The following PTPRK variants were observed in gnomAD, a reference collection of about 807,000 sequenced individuals.
PTPRK encodes protein tyrosine phosphatase receptor type K, also known as receptor-type tyrosine-protein phosphatase kappa.
Under a neutral mutation model 178.0 loss-of-function variants are expected in PTPRK, and 75 were observed. That is an observed-to-expected ratio of 0.42 (90% CI 0.35 to 0.51). The LOEUF (loss-of-function observed/expected upper bound fraction) is 0.51. Among genes scored for constraint, PTPRK ranks in the 20% least tolerant of loss-of-function variants. PTPRK has a pLI of 0.02. For missense variants in PTPRK, 1,441 were observed against 1,797.8 expected, an observed-to-expected ratio of 0.80 and a Z score of 3.59; for synonymous variants, 637 against 620.6, an observed-to-expected ratio of 1.03 and a Z score of -0.39.
intron 1 of PTPRK, among the ~76,000 whole-genome samples, chr6:128,403,885 GT>G (rs1472618489): frequency 6.6e-6 from 1 of 152,146 alleles, no homozygotes; most frequent in Non-Finnish European, 1.5e-5. Flanking sequence ...AATGTTTCCA[GT>G]TTTGTGGGCC....
chr6:128,171,029 A>G (rs1205785708), intron 7 of PTPRK, among the ~76,000 whole-genome samples: 3 of 152,022 alleles, frequency 2.0e-5, no homozygotes, highest in African/African-American at 7.2e-5. Flanking sequence ...CAGTTTCACT[A>G]TAAGATAATT....
intron 1 of PTPRK, among the ~76,000 whole-genome samples, chr6:128,452,418 C>T (rs760328462): frequency 6.6e-6 from 1 of 152,104 alleles, no homozygotes; most frequent in Non-Finnish European, 1.5e-5. Context: ...ATTACATTCT[C>T]TTTATAAGGT....
At chr6:128,323,566 C>T (rs1211471771) in intron 2 of PTPRK, among the ~76,000 whole-genome samples, 1 of 152,096 alleles carries the variant, frequency 6.6e-6, no homozygotes, top group Non-Finnish European at 1.5e-5. Flanking sequence ...CACTCAATAA[C>T]TACTAGTCTA....
intron 5 of PTPRK, among the ~76,000 whole-genome samples, chr6:128,234,770 A>C (rs1040600502): frequency 1.3e-5 from 2 of 152,208 alleles, no homozygotes; most frequent in African/African-American, 2.4e-5. Context: ...ATTATGAATA[A>C]AGCTGTTATA....
At chr6:128,249,261 A>T (rs1816040528) in intron 3 of PTPRK, among the ~76,000 whole-genome samples, 1 of 151,428 alleles carries the variant, frequency 6.6e-6, no homozygotes, top group Admixed American at 6.6e-5. Flanking sequence ...GATAACCCTG[A>T]ATTTCTAGTG....
intron 10 of PTPRK, among the ~76,000 whole-genome samples, chr6:128,080,524 GATTA>G (rs1485007380): frequency 2.0e-5 from 3 of 151,986 alleles, no homozygotes; most frequent in African/African-American, 7.2e-5. Context: ...GACATTAGAA[GATTA>G]ATTATTATCT....
At chr6:128,116,164 T>C (rs1369007576) in intron 7 of PTPRK, among the ~76,000 whole-genome samples, 1 of 152,158 alleles carries the variant, frequency 6.6e-6, no homozygotes, top group East Asian at 1.9e-4. Flanking sequence ...TTATTTACAA[T>C]GTCAGTTACT....
At chr6:128,370,259 A>G (rs919119429) in intron 2 of PTPRK, among the ~76,000 whole-genome samples, 2 of 152,146 alleles carry the variant, frequency 1.3e-5, no homozygotes, top group Admixed American at 6.6e-5. Context: ...ATCATCCACC[A>G]GGGCATCCCT....
At chr6:128,039,615 G>A (rs1373042258) in intron 13 of PTPRK, among the ~76,000 whole-genome samples, 1 of 152,104 alleles carries the variant, frequency 6.6e-6, no homozygotes, top group Non-Finnish European at 1.5e-5. Context: ...CTATTACTTG[G>A]ACTGTAAATA....
intron 3 of PTPRK, among the ~76,000 whole-genome samples, chr6:128,316,170 G>T (rs1348490855): frequency 6.6e-6 from 1 of 152,160 alleles, no homozygotes; most frequent in Non-Finnish European, 1.5e-5. Context: ...AAAGAAGTAT[G>T]CAAAACAAGA....
chr6:128,394,959 C>T (rs572062857), intron 2 of PTPRK, among the ~76,000 whole-genome samples: 95 of 152,102 alleles, frequency 6.2e-4, no homozygotes, highest in Non-Finnish European at 1.1e-3. Context: ...GTTTGGAGAG[C>T]CAGCTTTTAT....
intron 13 of PTPRK, among the ~76,000 whole-genome samples, chr6:128,052,428 C>T (rs1005300946): frequency 6.6e-6 from 1 of 152,142 alleles, no homozygotes; most frequent in African/African-American, 2.4e-5. Context: ...CTTTGGTCCC[C>T]TTCAGCCTGC....
intron 2 of PTPRK, among the ~76,000 whole-genome samples, chr6:128,358,249 G>A (rs895071676): frequency 6.6e-6 from 1 of 152,160 alleles, no homozygotes; most frequent in Non-Finnish European, 1.5e-5. Context: ...CCCTGAAGGA[G>A]AGGGCATATT....
chr6:128,131,720 A>G (rs146330106), intron 7 of PTPRK, among the ~76,000 whole-genome samples: 283 of 152,308 alleles, frequency 1.9e-3, no homozygotes, highest in Non-Finnish European at 2.9e-3. Context: ...TAAAAGGGGT[A>G]TCTCCAAACC....
At chr6:128,448,880 G>A (rs1847382982) in intron 1 of PTPRK, among the ~76,000 whole-genome samples, 1 of 152,056 alleles carries the variant, frequency 6.6e-6, no homozygotes, top group Non-Finnish European at 1.5e-5. Flanking sequence ...GTTTTTTTGA[G>A]AAAGAGTCTC....
Position 128,133,010 on chromosome 6 carries a change from T to C in PTPRK, c.1163-43018A>G, listed in dbSNP as rs1794488859. ...CAACTATAAAATGAAGTAGAACTGA[T>C]ACATTTCTAACAAAAACTCATTAGT... On this transcript the variant is annotated intron_variant, in intron 7 of 29. Transcript: ENST00000368226. Among the ~76,000 whole-genome samples, 6 of 152,324 alleles carry C rather than the reference T, an allele frequency of 3.9e-5. 1 individual carries two copies. The highest frequency in any genetic ancestry group is 3.4e-3 in the Middle Eastern group (1 of 294).
intron 2 of PTPRK, among the ~76,000 whole-genome samples, chr6:128,352,512 C>A (rs1833329171): frequency 6.6e-6 from 1 of 151,924 alleles, no homozygotes; most frequent in Non-Finnish European, 1.5e-5. Flanking sequence ...TTATGACCTG[C>A]CCCTCCTATC....
intron 6 of PTPRK, among the ~76,000 whole-genome samples, chr6:128,187,256 T>A (rs1286180134): frequency 6.6e-6 from 1 of 151,494 alleles, no homozygotes; most frequent in Non-Finnish European, 1.5e-5. Context: ...TACCGCAACA[T>A]AAGAAACAAG....
chr6:128,126,631 T>C (rs1793423213), intron 7 of PTPRK, among the ~76,000 whole-genome samples: 1 of 151,976 alleles, frequency 6.6e-6, no homozygotes. Flanking sequence ...GAACCATATG[T>C]GTGCAGCTCC....
Sources: allele counts gnomAD v4.1 joint callset (sites outside exome capture counted in the v4.1 genomes callset), GRCh38; gene constraint gnomAD v4.1.1; transcripts MANE v1.5; gene names NCBI Gene and HGNC (gene_info 2026-07-23, HGNC 2026-07-21).